MOGAT1: variants seen among roughly 807,000 people sequenced by gnomAD.
MOGAT1 encodes the protein monoacylglycerol O-acyltransferase 1.
MOGAT1 carries 32 observed loss-of-function variants against 31.4 expected under a neutral mutation model. The ratio of observed to expected loss-of-function variants is 1.02; its 90% CI spans 0.77 to 1.37. The LOEUF is 1.37. Ranked by LOEUF, MOGAT1 falls within the 40% of genes most tolerant of loss-of-function variation. MOGAT1 has a pLI of 0.00. For missense variants in MOGAT1, 426 were observed against 402.0 expected (o/e 1.06, Z -0.51); for synonymous variants, 145 against 144.5 (o/e 1.00, Z -0.03).
At chr2:222,705,080 G>A (rs1692986316) in intron 5 of MOGAT1, among the ~76,000 whole-genome samples, 1 of 152,156 alleles carries the variant, frequency 6.6e-6, no homozygotes, top group Non-Finnish European at 1.5e-5. Context: ...GCGAAACAAA[G>A]GGTGGATTAC....
chr2:222,706,343 C>T (rs931636061), intron 5 of MOGAT1, among the ~76,000 whole-genome samples: 1 of 151,814 alleles, frequency 6.6e-6, no homozygotes, highest in African/African-American at 2.4e-5. Context: ...CATGGTGGTG[C>T]GTGCCTGTAA....
chr2:222,681,649 G>A (rs1210802209), intron 1 of MOGAT1, among the ~76,000 whole-genome samples: 2 of 152,106 alleles, frequency 1.3e-5, no homozygotes, highest in East Asian at 1.9e-4. Flanking sequence ...TCTCCCTGAC[G>A]ATGGGGGTGG....
chr2:222,689,409 C>T lies in MOGAT1; in HGVS notation c.418C>T (p.Leu140Phe). Residue 140 changes from leucine to phenylalanine, a missense_variant, in exon 3 of 6, where the codon CTT becomes TTT. Coordinates refer to ENST00000446656, the MANE Select transcript of MOGAT1 (RefSeq NM_058165.3). ...KDLFPGFTSY[L>F]HVLPLWFWCP... is the part of the protein sequence containing the mutation. The stretch of plus-strand genomic sequence containing the variant: ...CCTGTTTCCTGGCTTTACTTCATAT[C>T]TTCACGTGCTGCCACTTTGGTTCTG... 6.2e-7 allele frequency: 1 copy of T among 1,614,012 alleles called. No individual in the cohort carries two copies. The highest frequency in any genetic ancestry group is 8.5e-7 in the Non-Finnish European group (1 of 1,179,886).
At position 222,709,780 on chromosome 2, in the gene MOGAT1, G is replaced by T. The variant is rs200981739; in HGVS notation, c.898G>T (p.Glu300Ter). The change falls in exon 6 of 6, where the codon GAG (glutamate) becomes TAG (stop). Residue 300 changes from glutamate (E) to a stop codon, truncating the protein, a stop_gained. Coordinates refer to ENST00000446656, the MANE Select transcript of MOGAT1 (RefSeq NM_058165.3). LOFTEE classifies it high-confidence loss of function. Reference sequence around the variant, plus strand: ...TCGTCAGACTCTGAACCCGACCCAGGAGCAGATTGAGGAGTTACATCAGAC... The same window carrying T: ...TCGTCAGACTCTGAACCCGACCCAGTAGCAGATTGAGGAGTTACATCAGAC... ...PVRQTLNPTQ[E>*]QIEELHQTYM... 3.1e-6 allele frequency: 5 copies of T among 1,613,532 alleles called. No individual in the cohort carries two copies. Among genetic ancestry groups the T allele is most frequent in the Middle Eastern group, 1.6e-4 (1 of 6,062 alleles).
chr2:222,708,290 G>T (rs1363746967), intron 5 of MOGAT1, among the ~76,000 whole-genome samples: 1 of 152,042 alleles, frequency 6.6e-6, no homozygotes, highest in Non-Finnish European at 1.5e-5. Flanking sequence ...CGCCATGCTG[G>T]TCAGGCTAGT....
chr2:222,709,409 G>C (rs1293108078), intron 5 of MOGAT1, among the ~76,000 whole-genome samples: 1 of 152,224 alleles, frequency 6.6e-6, no homozygotes, highest in South Asian at 2.1e-4. Context: ...GCTGTCAACT[G>C]TTCCAGAGGG....
intron 1 of MOGAT1, 131 bp downstream of exon 1, chr2:222,672,010 G>C (rs2106028609): frequency 1.4e-6 from 1 of 705,226 alleles, no homozygotes; most frequent in Non-Finnish European, 2.4e-6. Flanking sequence ...AGGTCAAAGA[G>C]GGCATTTGGA....
chr2:222,689,154 G>A, intron 2 of MOGAT1, 111 bp from the exon 3 acceptor site: 1 of 957,896 alleles, frequency 1.0e-6, no homozygotes, highest in East Asian at 2.6e-5. Flanking sequence ...GAACAAAAAT[G>A]AGTCATGTTC....
intron 1 of MOGAT1, among the ~76,000 whole-genome samples, chr2:222,675,350 A>G (rs1692479865): frequency 6.6e-6 from 1 of 152,170 alleles, no homozygotes; most frequent in Admixed American, 6.5e-5. Context: ...ACAATTGGTC[A>G]GTGGGTCTAG....
At chr2:222,695,884 C>T (rs1279558318) in intron 5 of MOGAT1, among the ~76,000 whole-genome samples, 1 of 152,064 alleles carries the variant, frequency 6.6e-6, no homozygotes, top group Non-Finnish European at 1.5e-5. Context: ...GTATACTCCA[C>T]CCAATATGTA....
At chr2:222,699,788 G>A (rs1027345106) in intron 5 of MOGAT1, among the ~76,000 whole-genome samples, 12 of 152,232 alleles carry the variant, frequency 7.9e-5, no homozygotes, top group Middle Eastern at 3.4e-3. Flanking sequence ...GTGAGCCACC[G>A]CGCCCAGCTT....
chr2:222,709,875 T>C lies in MOGAT1; in HGVS notation c.993T>C (p.Thr331=), dbSNP rs370837304. ...AGTATGGCATTCCAGAGCACGAGAC[T>C]CTTGTTTTAAAATGACTTGACTATA... ...KGKYGIPEHE[T]LVLK The change falls in exon 6 of 6, where the codon ACT becomes ACC. Residue 331 remains threonine, a synonymous_variant. Coordinates refer to ENST00000446656, the MANE Select transcript of MOGAT1 (RefSeq NM_058165.3). The C allele has an allele frequency of 1.7e-5, 28 of 1,601,610 alleles. No individual in the cohort carries two copies. The highest frequency in any genetic ancestry group is 2.4e-5 in the Non-Finnish European group (28 of 1,175,308).
At chr2:222,698,545 T>C (rs1450094736) in intron 5 of MOGAT1, 1 of 152,224 alleles carries the variant, frequency 6.6e-6, no homozygotes, top group East Asian at 1.9e-4. Context: ...TTATGTTCAA[T>C]TTCCCAGTGT....
intron 1 of MOGAT1, among the ~76,000 whole-genome samples, chr2:222,687,795 G>C (rs1574972532): frequency 6.6e-6 from 1 of 152,286 alleles, no homozygotes; most frequent in African/African-American, 2.4e-5. Flanking sequence ...CATGAATAAT[G>C]GCTGCTTGGT....
chr2:222,677,284 A>G (rs536606433), intron 1 of MOGAT1, among the ~76,000 whole-genome samples: 45 of 152,320 alleles, frequency 3.0e-4, no homozygotes, highest in Non-Finnish European at 5.9e-4. Flanking sequence ...TCATAAACAT[A>G]TAAAAATACT....
chr2:222,685,754 C>A (rs1432921249), intron 1 of MOGAT1, among the ~76,000 whole-genome samples: 1 of 151,842 alleles, frequency 6.6e-6, no homozygotes, highest in South Asian at 2.1e-4. Context: ...GCACCCACCA[C>A]CACACCCCAC....
chr2:222,677,881 C>A, intron 1 of MOGAT1: 1 of 260,094 alleles, frequency 3.8e-6, no homozygotes, highest in East Asian at 1.0e-4. Flanking sequence ...TGTTTCTTGT[C>A]TTTAATGATC....
intron 3 of MOGAT1, among the ~76,000 whole-genome samples, chr2:222,693,559 C>T (rs2106039363): frequency 6.6e-6 from 1 of 150,576 alleles, no homozygotes; most frequent in Admixed American, 6.7e-5. Flanking sequence ...TACAGTTCTA[C>T]ATGGCTGGGG....
chr2:222,703,962 C>G (rs977423936), intron 5 of MOGAT1, among the ~76,000 whole-genome samples: 1 of 152,000 alleles, frequency 6.6e-6, no homozygotes, highest in African/African-American at 2.4e-5. Context: ...AGCATAGCAC[C>G]GTAGAAACTG....
Sources: gnomAD v4.1 joint callset for allele counts (sites outside exome capture counted in the v4.1 genomes callset) on GRCh38, gnomAD v4.1.1 for gene constraint, MANE v1.5 for transcripts, NCBI Gene and HGNC (gene_info 2026-07-23, HGNC 2026-07-21) for gene names.